ENTREP2: variants seen among roughly 807,000 people sequenced by gnomAD.
The protein encoded by ENTREP2 is endosomal transmembrane epsin interactor 2, also known as protein ENTREP2.
chr15:29,134,716 C>T, the ENTREP2 span, among the ~76,000 whole-genome samples: 1 of 152,178 alleles, frequency 6.6e-6, no homozygotes. Context: ...ATTCAGCCAA[C>T]ATGGAAACTG....
the ENTREP2 span, among the ~76,000 whole-genome samples, chr15:29,273,918 C>T: frequency 0.16 from 23,930 of 152,148 alleles, 2,334 homozygotes; most frequent in Middle Eastern, 0.23. Context: ...TTTTGGAACT[C>T]AGACTGGCTT....
chr15:29,278,777 G>A, the ENTREP2 span, among the ~76,000 whole-genome samples: 59 of 152,310 alleles, frequency 3.9e-4, no homozygotes, highest in African/African-American at 1.4e-3. Context: ...ATTTATTTCT[G>A]GAGCCTCAAT....
the ENTREP2 span, among the ~76,000 whole-genome samples, chr15:29,471,518 G>A: frequency 4.6e-5 from 7 of 152,218 alleles, no homozygotes; most frequent in East Asian, 1.9e-4. Flanking sequence ...GCAGAACAGC[G>A]GCTACAAAGT....
the ENTREP2 span, among the ~76,000 whole-genome samples, chr15:29,562,654 G>A: frequency 3.3e-5 from 5 of 152,134 alleles, no homozygotes; most frequent in African/African-American, 9.7e-5. Flanking sequence ...TTGTTTATTA[G>A]CATAGAATTT....
At chr15:29,654,112 A>G in the ENTREP2 span, among the ~76,000 whole-genome samples, 1 of 152,214 alleles carries the variant, frequency 6.6e-6, no homozygotes, top group Admixed American at 6.5e-5. Flanking sequence ...TAAATATTAG[A>G]CCCATCCAAG....
the ENTREP2 span, among the ~76,000 whole-genome samples, chr15:29,380,339 T>A: frequency 5.5e-4 from 83 of 152,264 alleles, no homozygotes; most frequent in African/African-American, 1.9e-3. Context: ...AAGGAAGAGG[T>A]GTTTTTAATA....
chr15:29,479,173 C>CT, the ENTREP2 span, among the ~76,000 whole-genome samples: 1 of 145,292 alleles, frequency 6.9e-6, no homozygotes, highest in Non-Finnish European at 1.5e-5. Context: ...CACCACTGCA[C>CT]TCCAGCCTGG....
chr15:29,503,077 CTG>C, the ENTREP2 span, among the ~76,000 whole-genome samples: 1 of 152,112 alleles, frequency 6.6e-6, no homozygotes, highest in Non-Finnish European at 1.5e-5. Context: ...CCGTGTGACT[CTG>C]TAATTCTACC....
the ENTREP2 span, among the ~76,000 whole-genome samples, chr15:29,629,543 C>G: frequency 6.6e-6 from 1 of 152,140 alleles, no homozygotes; most frequent in Admixed American, 6.5e-5. Context: ...TGACATTTAC[C>G]ATAGTCAAGT....
the ENTREP2 span, among the ~76,000 whole-genome samples, chr15:29,162,458 C>T: frequency 1.3e-5 from 2 of 152,022 alleles, no homozygotes; most frequent in Non-Finnish European, 2.9e-5. Flanking sequence ...AGACTTGGGG[C>T]GGTTGGATGG....
the ENTREP2 span, among the ~76,000 whole-genome samples, chr15:29,486,362 T>C: frequency 6.6e-6 from 1 of 151,912 alleles, no homozygotes; most frequent in East Asian, 1.9e-4. Flanking sequence ...AGAATGAAAA[T>C]GGAATACTAT....
At chr15:29,385,908 G>T in the ENTREP2 span, among the ~76,000 whole-genome samples, 5 of 150,936 alleles carry the variant, frequency 3.3e-5, no homozygotes, top group African/African-American at 1.2e-4. Context: ...TTGAAAGGAG[G>T]AGAAGGGCAC....
the ENTREP2 span, among the ~76,000 whole-genome samples, chr15:29,622,176 C>G: frequency 6.6e-6 from 1 of 152,020 alleles, no homozygotes; most frequent in Non-Finnish European, 1.5e-5. Context: ...ACTAACTGTA[C>G]ACTTAAAATG....
chr15:29,440,629 T>C, the ENTREP2 span, among the ~76,000 whole-genome samples: 4 of 152,150 alleles, frequency 2.6e-5, no homozygotes, highest in Non-Finnish European at 5.9e-5. Context: ...TGTTCCTCAA[T>C]CATACTCAAT....
chr15:29,254,084 T>G, the ENTREP2 span, among the ~76,000 whole-genome samples: 1 of 150,790 alleles, frequency 6.6e-6, no homozygotes, highest in Non-Finnish European at 1.5e-5. Context: ...AGAAAGACCC[T>G]TTTTGTGATG....
At chr15:29,269,033 C>A in the ENTREP2 span, 3 of 1,614,112 alleles carry the variant, frequency 1.9e-6, no homozygotes, top group Non-Finnish European at 2.5e-6. Flanking sequence ...ACAAAGTCCT[C>A]AGTAATGAGT....
chr15:29,313,613 A>G, the ENTREP2 span, among the ~76,000 whole-genome samples: 2 of 152,214 alleles, frequency 1.3e-5, no homozygotes, highest in Admixed American at 1.3e-4. Flanking sequence ...GAAAAAAAAT[A>G]TGCCTTTCAA....
the ENTREP2 span, among the ~76,000 whole-genome samples, chr15:29,291,650 G>A: frequency 3.9e-5 from 6 of 152,126 alleles, no homozygotes; most frequent in East Asian, 1.9e-4. Flanking sequence ...TACACTTCTC[G>A]TGCTTCCAAA....
the ENTREP2 span, among the ~76,000 whole-genome samples, chr15:29,634,927 C>T: frequency 6.6e-6 from 1 of 152,114 alleles, no homozygotes; most frequent in Non-Finnish European, 1.5e-5. Flanking sequence ...CCAAGAAGCT[C>T]CCCGTGTTCA....
Sources: gnomAD v4.1 joint callset for allele counts (sites outside exome capture counted in the v4.1 genomes callset) on GRCh38, gnomAD v4.1.1 for gene constraint, MANE v1.5 for transcripts, NCBI Gene and HGNC (gene_info 2026-07-23, HGNC 2026-07-21) for gene names.